RBBP8: variants seen among roughly 807,000 people sequenced by gnomAD.
RBBP8 encodes RB binding protein 8, endonuclease.
Under a neutral mutation model 108.3 loss-of-function variants are expected in RBBP8, and 88 were observed. The observed-to-expected ratio is 0.81, with a 90% CI of 0.68 to 0.97. The LOEUF is 0.97. Among genes scored for constraint, RBBP8 ranks in the 50% least tolerant of loss-of-function variants. The probability of loss-of-function intolerance (pLI) is 0.00; values close to 1 mark genes in which losing one functional copy is unlikely to be tolerated. For synonymous variants in RBBP8, 332 were observed against 348.2 expected (o/e 0.95, Z 0.52); for missense variants, 1,023 against 1,049.0 (o/e 0.98, Z 0.34).
In RBBP8 at chr18:22,936,903, A is replaced by G; in HGVS notation, c.52A>G (p.Ser18Gly). ...AAGCCCTAACTCTGCAGATACATCT[A>G]GTGACTTTAAGGACCTTTGGACAAA... ...CGSPNSADTS[S>G]DFKDLWTKLK... Residue 18 changes from serine (S) to glycine (G), a missense_variant, in exon 2 of 19, where the codon AGT becomes GGT. Ser to Gly is a moderately conservative substitution (Grantham distance 56, BLOSUM62 0). Coordinates refer to ENST00000327155, the MANE Select transcript of RBBP8 (RefSeq NM_002894.3). 1.9e-6 allele frequency: 3 copies of G among 1,614,194 alleles called. No individual in the cohort carries two copies. Among genetic ancestry groups the G allele is most frequent in the Non-Finnish European group, 1.7e-6 (2 of 1,180,032 alleles).
chr18:22,963,859 G>T (rs904250246), intron 4 of RBBP8, among the ~76,000 whole-genome samples: 1 of 151,850 alleles, frequency 6.6e-6, no homozygotes, highest in African/African-American at 2.4e-5. Context: ...ACTTTATTTC[G>T]ATTAGTCCCT....
At chr18:23,017,526 C>T (rs1225270253) in intron 17 of RBBP8, among the ~76,000 whole-genome samples, 10 of 150,224 alleles carry the variant, frequency 6.7e-5, no homozygotes, top group South Asian at 6.4e-4. Context: ...TGGTGGCGGG[C>T]GCCTGTAGTC....
At chr18:22,934,911 G>A (rs1396080530) in intron 1 of RBBP8, 2 of 150,956 alleles carry the variant, frequency 1.3e-5, no homozygotes, top group Non-Finnish European at 2.9e-5. Flanking sequence ...CTGTCTTACA[G>A]AGTTTTTCTG....
chr18:22,936,126 G>C (rs1338917987), intron 1 of RBBP8, among the ~76,000 whole-genome samples: 2 of 151,678 alleles, frequency 1.3e-5, no homozygotes, highest in Non-Finnish European at 2.9e-5. Flanking sequence ...TTTTAATTGA[G>C]ACAGGGTCTC....
At chr18:22,934,559 C>T (rs2144380786) in intron 1 of RBBP8, among the ~76,000 whole-genome samples, 1 of 151,802 alleles carries the variant, frequency 6.6e-6, no homozygotes, top group South Asian at 2.1e-4. Flanking sequence ...TTCTAGGGTA[C>T]ATATGCACGA....
intron 3 of RBBP8, among the ~76,000 whole-genome samples, chr18:22,920,492 A>AGG (rs1909548779): frequency 2.0e-5 from 3 of 151,712 alleles, no homozygotes; most frequent in Admixed American, 6.6e-5. Flanking sequence ...TAACTTGAAT[A>AGG]ACAAATTTTT....
intron 15 of RBBP8, among the ~76,000 whole-genome samples, 162 bp from the exon 16 acceptor site, chr18:23,006,201 T>A (rs1020678997): frequency 1.8e-4 from 27 of 149,572 alleles, no homozygotes; most frequent in South Asian, 6.4e-4. Flanking sequence ...AAAAAAAAAA[T>A]AGTTACAAAG....
chr18:23,022,301 TA>T (rs763552454), intron 18 of RBBP8, 31 bp downstream of exon 18: 26 of 1,579,236 alleles, frequency 1.6e-5, no homozygotes, highest in Admixed American at 3.4e-5. Context: ...ATTTTATAAT[TA>T]TTTTTTTTAA....
At chr18:22,924,219 C>T (rs982895032) in intron 3 of RBBP8, among the ~76,000 whole-genome samples, 1 of 149,434 alleles carries the variant, frequency 6.7e-6, no homozygotes, top group African/African-American at 2.5e-5. Flanking sequence ...ACCTCTGCCT[C>T]CCTGGTTCAA....
At position 22,922,162 on chromosome 18, in the gene RBBP8, A is replaced by C. The variant is rs534705819; in HGVS notation, c.-154+5136A>C. Among the ~76,000 whole-genome samples, 7 of 152,344 alleles carry C rather than the reference A, an allele frequency of 4.6e-5. No individual in the cohort carries two copies. The East Asian group carries it at 1.3e-3, about 29-fold the overall frequency. ...GAACAGATAAACAGTACTTTAATTA[A>C]GTAAATACCATACTTGTTTGTATAA... On this transcript the variant is annotated intron_variant, in intron 3 of 4. Transcript: ENST00000577588.
chr18:23,006,512 T>G (rs2144768763), intron 16 of RBBP8, 80 bp downstream of exon 16: 4 of 1,273,330 alleles, frequency 3.1e-6, no homozygotes, highest in South Asian at 2.5e-5. Flanking sequence ...CTTTTTTCTT[T>G]TTTTTTAAAG....
chr18:22,998,045 C>T (rs1464952984), intron 14 of RBBP8, among the ~76,000 whole-genome samples: 2 of 152,158 alleles, frequency 1.3e-5, no homozygotes, highest in African/African-American at 2.4e-5. Context: ...TATTGCCCAT[C>T]GCTGTTTGTT....
chr18:22,927,769 T>C (rs1175699887), intron 3 of RBBP8, among the ~76,000 whole-genome samples: 1 of 152,002 alleles, frequency 6.6e-6, no homozygotes. Flanking sequence ...TATATGTGGC[T>C]CTGTGGGATA....
intron 1 of RBBP8, among the ~76,000 whole-genome samples, chr18:22,914,629 G>A (rs1239595956): frequency 6.6e-6 from 1 of 152,086 alleles, no homozygotes; most frequent in Non-Finnish European, 1.5e-5. Context: ...CCTTCATAAT[G>A]TAACTATTAT....
chr18:23,000,093 T>G (rs766411732), intron 14 of RBBP8, among the ~76,000 whole-genome samples: 2 of 152,224 alleles, frequency 1.3e-5, no homozygotes, highest in South Asian at 2.1e-4. Context: ...ACTTACCTTA[T>G]GGAACGTACA....
chr18:22,930,125 G>C (rs1909967236), upstream of RBBP8, among the ~76,000 whole-genome samples: 2 of 152,194 alleles, frequency 1.3e-5, no homozygotes, highest in South Asian at 4.1e-4. Flanking sequence ...GAATCCTAGA[G>C]TCTGTACTGC....
chr18:22,993,495 G>C lies in RBBP8; in HGVS notation c.1668G>C (p.Gln556His), dbSNP rs773456137. The C allele has an allele frequency of 1.2e-6, 2 of 1,613,834 alleles. No homozygotes were observed. Among genetic ancestry groups the C allele is most frequent in the African/African-American group, 2.7e-5 (2 of 74,870 alleles). Residue 556 changes from glutamine to histidine, a missense_variant, in exon 11 of 19, where the codon CAG (glutamine) becomes CAC (histidine). Gln to His is a conservative substitution (Grantham distance 24). Transcript: ENST00000327155. Reference protein sequence around the residue: ...PKDSPGEPCSQECIILQPLNK... With the variant: ...PKDSPGEPCSHECIILQPLNK... ...ATTCCCCAGGGGAGCCCTGTTCACA[G>C]GAATGCATCATCCTTCAGCCCTTGA...
intron 4 of RBBP8, among the ~76,000 whole-genome samples, chr18:22,950,705 G>A (rs987994129): frequency 9.9e-5 from 15 of 152,144 alleles, no homozygotes; most frequent in East Asian, 3.9e-4. Flanking sequence ...ATGATTGCTT[G>A]AGTCCAGTAG....
At chr18:22,914,834 CTA>C (rs972793608) in intron 1 of RBBP8, among the ~76,000 whole-genome samples, 3 of 152,120 alleles carry the variant, frequency 2.0e-5, no homozygotes, top group African/African-American at 7.2e-5. Flanking sequence ...AACTGATTAA[CTA>C]TTGGAGCTCA....
Sources: gnomAD v4.1 joint callset for allele counts (sites outside exome capture counted in the v4.1 genomes callset) on GRCh38, gnomAD v4.1.1 for gene constraint, MANE v1.5 for transcripts, NCBI Gene and HGNC (gene_info 2026-07-23, HGNC 2026-07-21) for gene names.